The following MICAL2 variants were observed in gnomAD, a reference collection of about 807,000 sequenced individuals.
MICAL2 encodes the protein [F-actin]-monooxygenase MICAL2.
In MICAL2, 77 loss-of-function variants were observed where a neutral mutation model predicts 127.3. The ratio of observed to expected loss-of-function variants is 0.60; its 90% CI spans 0.50 to 0.73. The LOEUF is 0.73. Ranked by LOEUF, MICAL2 falls within the 30% of genes least tolerant of loss-of-function variation. The probability of loss-of-function intolerance (pLI) is 0.00; values close to 1 mark genes in which losing one functional copy is unlikely to be tolerated. For synonymous variants in MICAL2, 570 were observed against 551.1 expected, an observed-to-expected ratio of 1.03 and a Z score of -0.48; for missense variants, 1,351 against 1,434.4, an observed-to-expected ratio of 0.94 and a Z score of 0.94.
intron 21 of MICAL2, among the ~76,000 whole-genome samples, chr11:12,244,425 G>C (rs1860415164): frequency 6.6e-6 from 1 of 152,190 alleles, no homozygotes; most frequent in Non-Finnish European, 1.5e-5. Context: ...TACTACAGTT[G>C]AGATGGGAAA....
chr11:12,274,026 G>A, upstream of MICAL2, among the ~76,000 whole-genome samples: 1 of 152,148 alleles, frequency 6.6e-6, no homozygotes. Context: ...GAGTAGGCTG[G>A]GGGCTGGGGG....
At chr11:12,203,022 A>T (rs1233426781) in intron 3 of MICAL2, among the ~76,000 whole-genome samples, 1 of 152,246 alleles carries the variant, frequency 6.6e-6, no homozygotes, top group African/African-American at 2.4e-5. Flanking sequence ...TAAACGAAAT[A>T]CAATATGTGT....
chr11:12,226,486 C>T, intron 14 of MICAL2, 116 bp downstream of exon 14: 1 of 1,104,394 alleles, frequency 9.1e-7, no homozygotes, highest in South Asian at 1.6e-5. Context: ...GTGTGTTCCC[C>T]TTGACTTTGA....
At chr11:12,113,518 A>G (rs1404439456) in intron 1 of MICAL2, among the ~76,000 whole-genome samples, 1 of 152,272 alleles carries the variant, frequency 6.6e-6, no homozygotes, top group East Asian at 1.9e-4. Flanking sequence ...GAGGCTTGGC[A>G]GGCACAGCTC....
intron 29 of MICAL2, among the ~76,000 whole-genome samples, chr11:12,319,322 TAACTC>T (rs1405969942): frequency 1.3e-4 from 20 of 152,302 alleles, no homozygotes; most frequent in Non-Finnish European, 2.1e-4. Context: ...AGCATTTAGG[TAACTC>T]AACTAACTTC....
intron 26 of MICAL2, chr11:12,260,117 C>T (rs542481264): frequency 6.5e-7 from 1 of 1,535,274 alleles, no homozygotes; most frequent in Non-Finnish European, 8.7e-7. Flanking sequence ...TCTGAGGGCT[C>T]CCTCGAGAGC....
intron 2 of MICAL2, chr11:12,281,177 G>A (rs1863766238): frequency 5.0e-6 from 2 of 398,522 alleles, no homozygotes; most frequent in African/African-American, 2.1e-5. Context: ...TTTCCCTCTT[G>A]GAGGACCAGG....
downstream of MICAL2, among the ~76,000 whole-genome samples, chr11:12,295,312 G>A (rs1863972240): frequency 6.6e-6 from 1 of 151,576 alleles, no homozygotes; most frequent in South Asian, 2.1e-4. Flanking sequence ...GCTAATTTTT[G>A]TATTTTTAGT....
intron 1 of MICAL2, chr11:12,116,661 G>A (rs7947696): frequency 0.3 from 45,845 of 152,120 alleles, 6,994 homozygotes; most frequent in South Asian, 0.36. Flanking sequence ...TTCAGAGCCC[G>A]AGGGAGTGAT....
At chr11:12,112,427 C>T (rs1849680266) in intron 1 of MICAL2, among the ~76,000 whole-genome samples, 1 of 151,966 alleles carries the variant, frequency 6.6e-6, no homozygotes, top group Non-Finnish European at 1.5e-5. Context: ...GGAAGGAAGC[C>T]TGCTTCTACC....
intron 3 of MICAL2, among the ~76,000 whole-genome samples, chr11:12,172,301 C>G (rs938479167): frequency 6.6e-6 from 1 of 152,158 alleles, no homozygotes; most frequent in African/African-American, 2.4e-5. Flanking sequence ...AGGAAAATGC[C>G]TGACACATAA....
chr11:12,296,793 A>T (rs933363702), downstream of MICAL2, among the ~76,000 whole-genome samples: 2 of 151,802 alleles, frequency 1.3e-5, no homozygotes, highest in Non-Finnish European at 2.9e-5. Context: ...TTTAACACAA[A>T]TGATAGCATG....
intron 32 of MICAL2, chr11:12,349,714 C>G (rs907144624): frequency 1.2e-6 from 1 of 812,874 alleles, no homozygotes; most frequent in African/African-American, 1.7e-5. Flanking sequence ...TACAGGGTGT[C>G]AGGGAGCTGC....
intron 26 of MICAL2, chr11:12,260,925 G>T: frequency 1.0e-6 from 1 of 985,452 alleles, no homozygotes; most frequent in Non-Finnish European, 1.2e-6. Context: ...TCCCACTAAT[G>T]GGCACTGCAG....
At chr11:12,165,782 G>A (rs1291757765) in intron 3 of MICAL2, among the ~76,000 whole-genome samples, 1 of 152,198 alleles carries the variant, frequency 6.6e-6, no homozygotes, top group Non-Finnish European at 1.5e-5. Flanking sequence ...GAAGAAGGAC[G>A]GGCTCTAATG....
intron 1 of MICAL2, among the ~76,000 whole-genome samples, chr11:12,129,636 C>CT (rs559528778): frequency 0.52 from 50,151 of 97,152 alleles, 13,983 homozygotes; most frequent in South Asian, 0.7. Context: ...TCTTCTTCTT[C>CT]TTTTTTTTTT....
intron 29 of MICAL2, among the ~76,000 whole-genome samples, chr11:12,312,467 T>C (rs1864185173): frequency 6.6e-6 from 1 of 152,194 alleles, no homozygotes; most frequent in Non-Finnish European, 1.5e-5. Flanking sequence ...AATTTATTTA[T>C]ATTTTTTCTT....
intron 23 of MICAL2, chr11:12,256,043 T>C (rs1421398174): frequency 5.2e-5 from 18 of 346,626 alleles, no homozygotes; most frequent in Middle Eastern, 7.5e-4. Flanking sequence ...GTGAGCATAA[T>C]TGAATGGCCC....
chr11:12,342,166 T>C (rs1447844805), intron 32 of MICAL2, among the ~76,000 whole-genome samples: 1 of 152,230 alleles, frequency 6.6e-6, no homozygotes, highest in Non-Finnish European at 1.5e-5. Context: ...AACTGGGCCA[T>C]TCTATTCACA....
Sources: allele counts gnomAD v4.1 joint callset (sites outside exome capture counted in the v4.1 genomes callset), GRCh38; gene constraint gnomAD v4.1.1; transcripts MANE v1.5; gene names NCBI Gene and HGNC (gene_info 2026-07-23, HGNC 2026-07-21).